Variants in NOC3L observed in about 807,000 individuals in gnomAD.
The protein encoded by NOC3L is nucleolar complex protein 3 homolog.
A neutral mutation model predicts 102.5 loss-of-function variants in NOC3L; 85 were observed. The ratio of observed to expected loss-of-function variants is 0.83; its 90% confidence interval spans 0.70 to 0.99. The LOEUF (loss-of-function observed/expected upper bound fraction) is 0.99, where lower values mean the gene tolerates loss of function less well. Among genes scored for constraint, NOC3L ranks in the 50% least tolerant of loss-of-function variants. NOC3L has a pLI of 0.00. For missense variants in NOC3L, 878 were observed against 914.9 expected (o/e 0.96, Z 0.52); for synonymous variants, 303 against 309.4 (o/e 0.98, Z 0.22).
chr10:94,339,956 A>C, intron 16 of NOC3L, 36 bp from the exon 17 acceptor site: 4 of 1,565,646 alleles, frequency 2.6e-6, no homozygotes, highest in Non-Finnish European at 3.5e-6. Flanking sequence ...AGCTGTTCTC[A>C]TTACTTTTTC....
At chr10:94,336,480 T>C (rs1477253753) in intron 19 of NOC3L, among the ~76,000 whole-genome samples, 1 of 151,932 alleles carries the variant, frequency 6.6e-6, no homozygotes, top group Non-Finnish European at 1.5e-5. Flanking sequence ...CCCAAGTAGC[T>C]GGGACTACAG....
At chr10:94,356,903 G>C (rs1459324625) in intron 4 of NOC3L, among the ~76,000 whole-genome samples, 2 of 152,058 alleles carry the variant, frequency 1.3e-5, no homozygotes. Context: ...AGCTAATCAA[G>C]AACAGTTAAT....
chr10:94,324,668 T>C, the NOC3L span: 1 of 1,091,352 alleles, frequency 9.2e-7, no homozygotes, highest in African/African-American at 1.5e-5. Flanking sequence ...AGAAAGTTCC[T>C]GAGTCAAGGA....
At chr10:94,357,884 A>C in intron 3 of NOC3L, 199 bp downstream of exon 3, 1 of 550,922 alleles carries the variant, frequency 1.8e-6, no homozygotes. Flanking sequence ...ATTCAGACTC[A>C]AAAGAAAGAT....
At chr10:94,352,511 C>CA in intron 7 of NOC3L, 108 bp from the exon 8 acceptor site, 1 of 602,124 alleles carries the variant, frequency 1.7e-6, no homozygotes, top group Non-Finnish European at 2.8e-6. Context: ...TTTAAAAAAA[C>CA]AAAAAACAAA....
At chr10:94,355,646 C>T (rs1368382271) in intron 5 of NOC3L, among the ~76,000 whole-genome samples, 2 of 152,124 alleles carry the variant, frequency 1.3e-5, no homozygotes, top group Non-Finnish European at 2.9e-5. Flanking sequence ...ACCTCAGCAT[C>T]CCAAAGTGCT....
rs2054553369 is a variant in NOC3L at position 94,361,710 on chromosome 10, A to G, written c.172T>C (p.Ser58Pro). 6.2e-7 allele frequency: 1 copy of G among 1,610,812 alleles called. No homozygotes were observed. Among genetic ancestry groups the G allele is most frequent in the Admixed American group, 1.7e-5 (1 of 59,886 alleles). ...TTCTCCAATGGAATGGGTTTCTTAG[A>G]CACAGCATCTTTCACAGCTTGCCTT... ...KLRQAVKDAV[S>P]KKPIPLENPK... The change falls in exon 2 of 21, where the codon TCT becomes CCT. Residue 58 changes from serine (S) to proline (P), a missense_variant. Transcript: ENST00000371361.
chr10:94,317,419 A>T, the NOC3L span, among the ~76,000 whole-genome samples: 1 of 152,184 alleles, frequency 6.6e-6, no homozygotes, highest in Non-Finnish European at 1.5e-5. Flanking sequence ...CATCGTTGTG[A>T]GGGTCACATT....
At chr10:94,341,832 T>A in intron 13 of NOC3L, 87 bp from the exon 14 acceptor site, 2 of 699,638 alleles carry the variant, frequency 2.9e-6, no homozygotes, top group Non-Finnish European at 4.7e-6. Flanking sequence ...ACTGTATTTT[T>A]AATATTCTTT....
At chr10:94,352,262 T>C in intron 8 of NOC3L, 48 bp downstream of exon 8, 2 of 1,272,580 alleles carry the variant, frequency 1.6e-6, no homozygotes, top group Non-Finnish European at 2.3e-6. Context: ...TTCACCTTCA[T>C]GATCAAGGCT....
chr10:94,338,691 T>C lies in NOC3L; in HGVS notation c.2008A>G (p.Ser670Gly). The C allele has an allele frequency of 6.2e-7, 1 of 1,613,434 alleles. No homozygotes were observed. The highest frequency in any genetic ancestry group is 8.5e-7 in the Non-Finnish European group (1 of 1,179,514). Residue 670 changes from serine to glycine, a missense_variant, in exon 18 of 21, where the codon AGT (serine) becomes GGT (glycine). By Grantham distance (56) the Ser-to-Gly change is moderately conservative. Coordinates refer to ENST00000371361, the MANE Select transcript of NOC3L (RefSeq NM_022451.11). ...DLLLDSESQG[S>G]GVFLPELDEP... Reference sequence around the variant, plus strand: ...TCCAGTTCAGGAAGGAAAACTCCACTTCCCTGAGATTCACTGTCAAGCAGT... The same window carrying C: ...TCCAGTTCAGGAAGGAAAACTCCACCTCCCTGAGATTCACTGTCAAGCAGT...
the NOC3L span, chr10:94,325,184 C>A: frequency 2.0e-6 from 2 of 1,014,478 alleles, no homozygotes; most frequent in Non-Finnish European, 3.1e-6. Context: ...AGTACAATGT[C>A]TTTTATCTTT....
Position 94,341,746 on chromosome 10 carries a change from C to A in NOC3L, c.1572-1G>T. The stretch of plus-strand genomic sequence containing the variant: ...TTCCACATTTATAAGGTGAGCAAAC[C>A]TGGAATCAAACAAAACAGTTAATCA... On this transcript the variant is annotated splice_acceptor_variant, in intron 13 of 20. Transcript: ENST00000371361. LOFTEE classifies it high-confidence loss of function. 2 of 1,534,648 alleles carry A rather than the reference C, an allele frequency of 1.3e-6. No homozygotes were observed. Among genetic ancestry groups the A allele is most frequent in the Admixed American group, 1.9e-5 (1 of 52,340 alleles).
intron 8 of NOC3L, among the ~76,000 whole-genome samples, chr10:94,350,681 G>A (rs987413414): frequency 2.1e-5 from 3 of 143,758 alleles, no homozygotes; most frequent in Non-Finnish European, 3.0e-5. Flanking sequence ...CTGCACCACT[G>A]CATTCCAGCC....
At chr10:94,338,188 T>C (rs2054244089) in intron 18 of NOC3L, among the ~76,000 whole-genome samples, 1 of 152,232 alleles carries the variant, frequency 6.6e-6, no homozygotes, top group Admixed American at 6.5e-5. Context: ...ACTTCTATTT[T>C]CTACAAGTCT....
the NOC3L span, chr10:94,321,754 G>C: frequency 1.5e-6 from 1 of 650,186 alleles, no homozygotes; most frequent in South Asian, 1.9e-5. Flanking sequence ...TTTTAGAACA[G>C]TTTATGAAAT....
At chr10:94,345,974 T>C (rs1483210926) in intron 11 of NOC3L, among the ~76,000 whole-genome samples, 1 of 151,988 alleles carries the variant, frequency 6.6e-6, no homozygotes, top group African/African-American at 2.4e-5. Flanking sequence ...TATCAAAAAA[T>C]AAATAAATAA....
At chr10:94,359,221 T>A (rs1174541460) in intron 2 of NOC3L, among the ~76,000 whole-genome samples, 2 of 152,038 alleles carry the variant, frequency 1.3e-5, no homozygotes, top group African/African-American at 4.8e-5. Flanking sequence ...GGCAAGGAGT[T>A]CAAAACCAGC....
chr10:94,350,373 A>T, intron 8 of NOC3L, 85 bp from the exon 9 acceptor site: 1 of 1,035,638 alleles, frequency 9.7e-7, no homozygotes, highest in African/African-American at 1.6e-5. Flanking sequence ...TGTACATTTT[A>T]ACACACATAA....
Sources: allele counts gnomAD v4.1 joint callset (sites outside exome capture counted in the v4.1 genomes callset), GRCh38; gene constraint gnomAD v4.1.1; transcripts MANE v1.5; gene names NCBI Gene and HGNC (gene_info 2026-07-23, HGNC 2026-07-21).